Variants in STK3 observed in about 807,000 individuals in gnomAD.
STK3 encodes the protein serine/threonine-protein kinase 3.
A neutral mutation model predicts 58.0 loss-of-function variants in STK3; 41 were observed. The ratio of observed to expected loss-of-function variants is 0.71; its 90% CI spans 0.55 to 0.92. The LOEUF (loss-of-function observed/expected upper bound fraction) is 0.92, where lower values mean the gene tolerates loss of function less well. STK3 is among the 40% of genes least tolerant of loss of function. STK3 has a pLI of 0.00. For synonymous variants in STK3, 170 were observed against 191.0 expected, an observed-to-expected ratio of 0.89 and a Z score of 0.91; for missense variants, 479 against 602.7, an observed-to-expected ratio of 0.79 and a Z score of 2.15.
chr8:98,632,765 C>T (rs1310584380), intron 6 of STK3, among the ~76,000 whole-genome samples: 1 of 152,016 alleles, frequency 6.6e-6, no homozygotes, highest in Non-Finnish European at 1.5e-5. Flanking sequence ...CAGTCCTTCC[C>T]TCGTATTTTG....
intron 8 of STK3, among the ~76,000 whole-genome samples, chr8:98,572,719 T>C (rs1376836123): frequency 1.3e-5 from 2 of 152,200 alleles, no homozygotes; most frequent in Admixed American, 6.5e-5. Context: ...TGTGTACATA[T>C]TGTATATTTT....
At chr8:98,714,171 T>A (rs928638243) in intron 4 of STK3, among the ~76,000 whole-genome samples, 1 of 152,312 alleles carries the variant, frequency 6.6e-6, no homozygotes, top group Admixed American at 6.5e-5. Context: ...ACAGCCAGTA[T>A]CATACTGAAT....
chr8:98,934,564 G>A (rs1051516741), intron 1 of STK3, among the ~76,000 whole-genome samples: 1 of 152,234 alleles, frequency 6.6e-6, no homozygotes, highest in Non-Finnish European at 1.5e-5. Flanking sequence ...AGCAGCAAAG[G>A]TGTCAGTGAA....
chr8:98,940,786 G>A (rs2132065971), intron 1 of STK3, among the ~76,000 whole-genome samples: 1 of 152,352 alleles, frequency 6.6e-6, no homozygotes, highest in South Asian at 2.1e-4. Context: ...GGGGAAGTCA[G>A]GGCAGCCCGG....
chr8:98,701,526 A>T (rs1320161452), intron 6 of STK3, among the ~76,000 whole-genome samples: 2 of 152,050 alleles, frequency 1.3e-5, no homozygotes, highest in Non-Finnish European at 2.9e-5. Context: ...GACTGAGCTG[A>T]GACAGGAGAA....
At chr8:98,927,765 G>C (rs2132029048) in intron 1 of STK3, among the ~76,000 whole-genome samples, 1 of 152,286 alleles carries the variant, frequency 6.6e-6, no homozygotes, top group East Asian at 1.9e-4. Context: ...AAACTATAAT[G>C]ATCACATAAC....
At chr8:98,838,419 A>G (rs1208655272) in intron 3 of STK3, among the ~76,000 whole-genome samples, 2 of 152,158 alleles carry the variant, frequency 1.3e-5, no homozygotes, top group Non-Finnish European at 2.9e-5. Flanking sequence ...AGACTTGTTT[A>G]CTTCTAGGCG....
At chr8:98,711,325 T>C (rs1826414967) in intron 4 of STK3, among the ~76,000 whole-genome samples, 1 of 151,814 alleles carries the variant, frequency 6.6e-6, no homozygotes, top group Non-Finnish European at 1.5e-5. Context: ...CTTCTGATGA[T>C]CGAACTACTC....
intron 8 of STK3, among the ~76,000 whole-genome samples, chr8:98,553,864 C>T (rs1180669041): frequency 6.6e-6 from 1 of 151,658 alleles, no homozygotes; most frequent in Admixed American, 6.6e-5. Context: ...ACTTAGAAGG[C>T]TGATGCAGGA....
chr8:98,620,800 A>G (rs982281662), intron 6 of STK3, among the ~76,000 whole-genome samples: 1 of 152,142 alleles, frequency 6.6e-6, no homozygotes, highest in Admixed American at 6.5e-5. Flanking sequence ...CAAAATGACA[A>G]AAAAGACAAA....
intron 2 of STK3, among the ~76,000 whole-genome samples, chr8:98,772,366 C>T (rs1831369211): frequency 6.6e-6 from 1 of 152,116 alleles, no homozygotes; most frequent in African/African-American, 2.4e-5. Flanking sequence ...TTGGTGCTGT[C>T]CTTGAGATGG....
chr8:98,762,249 C>CT lies in STK3; in HGVS notation c.236+4993dup, dbSNP rs527629147. On this transcript the variant is annotated intron_variant, in intron 3 of 10. Transcript: ENST00000419617. Reference sequence around the variant, plus strand: ...GCCTCAAACCCATTCTTTTTTGTTTCTTTTTTTTGTTTTGTTTTGTTTTTG... The same window carrying CT: ...GCCTCAAACCCATTCTTTTTTGTTTCTTTTTTTTTGTTTTGTTTTGTTTTTG... 1.5e-3 allele frequency among the ~76,000 whole-genome samples: 223 copies of CT among 152,022 alleles called. 1 individual carries two copies. Among genetic ancestry groups the CT allele is most frequent in the Non-Finnish European group, 2.2e-3 (147 of 67,948 alleles).
chr8:98,853,070 T>C (rs914381914), intron 3 of STK3, among the ~76,000 whole-genome samples: 1 of 151,966 alleles, frequency 6.6e-6, no homozygotes, highest in African/African-American at 2.4e-5. Flanking sequence ...GGTATAGTCA[T>C]GTGTAGTTCT....
chr8:98,715,583 T>C (rs1438594015), intron 4 of STK3, among the ~76,000 whole-genome samples: 5 of 152,226 alleles, frequency 3.3e-5, no homozygotes, highest in East Asian at 1.9e-4. Flanking sequence ...CACAATGAGA[T>C]ACCATCTCAC....
At chr8:98,571,168 A>G (rs1414240029) in intron 8 of STK3, among the ~76,000 whole-genome samples, 1 of 152,120 alleles carries the variant, frequency 6.6e-6, no homozygotes, top group African/African-American at 2.4e-5. Flanking sequence ...TGTCTCTACT[A>G]AAAATACAAA....
intron 3 of STK3, among the ~76,000 whole-genome samples, chr8:98,871,638 CTGTT>C (rs200939448): frequency 0.26 from 39,816 of 151,582 alleles, 5,826 homozygotes; most frequent in East Asian, 0.43. Flanking sequence ...ATTTGGCTCT[CTGTT>C]TGTCTGTTAT....
At chr8:98,833,057 T>C (rs1172889303) in intron 3 of STK3, among the ~76,000 whole-genome samples, 2 of 152,216 alleles carry the variant, frequency 1.3e-5, no homozygotes, top group African/African-American at 4.8e-5. Context: ...GTAAGGACAA[T>C]GACCTCAGGA....
At chr8:98,919,853 A>C (rs189655377) in intron 1 of STK3, among the ~76,000 whole-genome samples, 169 of 152,342 alleles carry the variant, frequency 1.1e-3, no homozygotes, top group Non-Finnish European at 1.3e-3. Context: ...CTGTGGGATG[A>C]GGACCGACAC....
At chr8:98,585,859 T>C (rs1377752711) in intron 7 of STK3, among the ~76,000 whole-genome samples, 1 of 151,506 alleles carries the variant, frequency 6.6e-6, no homozygotes, top group African/African-American at 2.4e-5. Flanking sequence ...TTTGAAGCAA[T>C]TGTGAATGGG....
Sources: allele counts gnomAD v4.1 joint callset (sites outside exome capture counted in the v4.1 genomes callset), GRCh38; gene constraint gnomAD v4.1.1; transcripts MANE v1.5; gene names NCBI Gene and HGNC (gene_info 2026-07-23, HGNC 2026-07-21).